The following TBC1D22B variants were observed in gnomAD, a reference collection of about 807,000 sequenced individuals.
TBC1D22B encodes the protein TBC1 domain family member 22B.
In TBC1D22B, 32 loss-of-function variants were observed where a neutral mutation model predicts 69.1. That is an observed-to-expected ratio of 0.46 (90% CI 0.35 to 0.62). The LOEUF is 0.62. TBC1D22B is among the 20% of genes least tolerant of loss of function. The pLI, the probability that TBC1D22B is intolerant of heterozygous loss-of-function variation, is 0.00. For synonymous variants in TBC1D22B, 206 were observed against 229.8 expected (o/e 0.90, Z 0.94); for missense variants, 462 against 630.9 (o/e 0.73, Z 2.87).
intron 3 of TBC1D22B, among the ~76,000 whole-genome samples, chr6:37,281,388 G>A (rs1252592213): frequency 6.6e-6 from 1 of 152,204 alleles, no homozygotes; most frequent in Non-Finnish European, 1.5e-5. Flanking sequence ...ACTATCTAGT[G>A]TAGAAATGTC....
chr6:37,301,528 G>A lies in TBC1D22B; in HGVS notation c.982+10171G>A, dbSNP rs541189961. 2.0e-4 allele frequency among the ~76,000 whole-genome samples: 31 copies of A among 152,192 alleles called. No individual in the cohort carries two copies. In the South Asian group the frequency reaches 5.6e-3, roughly 27 times the overall value. ...TTGTGTCTGGCTTCTTTTACTTAGCGTAATGTCTTCAAGATTCATTCATGT... is the reference window on the plus strand; with the variant it reads ...TTGTGTCTGGCTTCTTTTACTTAGCATAATGTCTTCAAGATTCATTCATGT... On this transcript the variant is annotated intron_variant, in intron 8 of 12. Coordinates refer to ENST00000373491, the MANE Select transcript of TBC1D22B (RefSeq NM_017772.4).
chr6:37,300,006 CAAAAA>C (rs764261176), intron 8 of TBC1D22B, among the ~76,000 whole-genome samples: 2 of 77,074 alleles, frequency 2.6e-5, no homozygotes, highest in African/African-American at 4.5e-5. Context: ...GAGACTCTGT[CAAAAA>C]AAAAAAAAAA....
intron 8 of TBC1D22B, among the ~76,000 whole-genome samples, chr6:37,308,619 T>C (rs746595182): frequency 2.6e-5 from 4 of 152,330 alleles, no homozygotes; most frequent in Non-Finnish European, 5.9e-5. Context: ...CCTAGATGGC[T>C]AACAGTTTGG....
In TBC1D22B at chr6:37,330,222, C is replaced by CTTTTTTT. The variant is rs67372032; in HGVS notation, c.1390-793_1390-787dup. 8.9e-3 allele frequency among the ~76,000 whole-genome samples: 675 copies of CTTTTTTT among 75,548 alleles called. 47 individuals are homozygous for CTTTTTTT. Among genetic ancestry groups the CTTTTTTT allele is most frequent in the Non-Finnish European group, 0.012 (519 of 41,562 alleles). 49.6% of individuals were successfully genotyped at this position (75,548 alleles called of 152,430 possible). ...GATGTTATAAATATTTTGTCCGTTT[C>CTTTTTTT]TTTTTTTTTTTTTTTTTTTTTTTTT... is the stretch of plus-strand genomic sequence containing the variant. On this transcript the variant is annotated intron_variant, in intron 12 of 12. Transcript: ENST00000373491.
At chr6:37,267,469 T>A (rs1217638762) in intron 1 of TBC1D22B, among the ~76,000 whole-genome samples, 4 of 90,900 alleles carry the variant, frequency 4.4e-5, no homozygotes, top group East Asian at 2.9e-4. Context: ...CACATATATA[T>A]AATATATATA....
At chr6:37,295,951 T>A (rs1767350156) in intron 8 of TBC1D22B, among the ~76,000 whole-genome samples, 2 of 152,228 alleles carry the variant, frequency 1.3e-5, no homozygotes, top group African/African-American at 4.8e-5. Flanking sequence ...ACTGTCTTGT[T>A]TAAGAAATTG....
intron 8 of TBC1D22B, among the ~76,000 whole-genome samples, chr6:37,303,101 G>T (rs1046298234): frequency 2.0e-5 from 3 of 152,202 alleles, no homozygotes; most frequent in Non-Finnish European, 4.4e-5. Context: ...TCTGGGGCTT[G>T]ATTCTCTTTT....
At position 37,327,377 on chromosome 6, in the gene TBC1D22B, C is replaced by T. The variant is rs368360645; in HGVS notation, c.1390-3667C>T. Among the ~76,000 whole-genome samples the T allele has an allele frequency of 4.2e-5, 5 of 119,234 alleles. 1 individual carries two copies. The highest frequency in any genetic ancestry group is 1.8e-4 in the African/African-American group (5 of 27,400). 78.2% of individuals were successfully genotyped at this position (119,234 alleles called of 152,430 possible). ...CCTGTAGTCCCAGCTGCTCGGGAGG[C>T]TGAGGCAGGAGAATGGCGTGAACCC... is the stretch of plus-strand genomic sequence containing the variant. On this transcript the variant is annotated intron_variant, in intron 12 of 12. Transcript: ENST00000373491.
intron 5 of TBC1D22B, 119 bp from the exon 6 acceptor site, chr6:37,284,217 A>T: frequency 6.6e-7 from 1 of 1,520,108 alleles, no homozygotes; most frequent in Admixed American, 1.7e-5. Context: ...CCAAAAAGGG[A>T]TTTACCCTTG....
chr6:37,269,678 A>G (rs936790416), intron 2 of TBC1D22B, 28 bp downstream of exon 2: 42 of 1,610,296 alleles, frequency 2.6e-5, no homozygotes, highest in African/African-American at 1.1e-4. Context: ...CGTTTTATCT[A>G]TCTACTGCTG....
chr6:37,285,148 A>G (rs1198526734), intron 6 of TBC1D22B, among the ~76,000 whole-genome samples: 2 of 150,974 alleles, frequency 1.3e-5, no homozygotes, highest in African/African-American at 2.5e-5. Context: ...AGCCTCAAGA[A>G]CTGAAGTAGC....
At chr6:37,315,024 C>T (rs1218445404) in intron 10 of TBC1D22B, among the ~76,000 whole-genome samples, 1 of 152,120 alleles carries the variant, frequency 6.6e-6, no homozygotes, top group Non-Finnish European at 1.5e-5. Flanking sequence ...TCTTGACATC[C>T]CTCAACCGGA....
At chr6:37,266,201 A>G (rs1766265086) in intron 1 of TBC1D22B, among the ~76,000 whole-genome samples, 1 of 152,206 alleles carries the variant, frequency 6.6e-6, no homozygotes, top group South Asian at 2.1e-4. Context: ...TAAATCAGAA[A>G]GGGTTTGCAG....
intron 12 of TBC1D22B, among the ~76,000 whole-genome samples, chr6:37,320,008 A>G (rs1243425320): frequency 6.6e-6 from 1 of 152,232 alleles, no homozygotes; most frequent in African/African-American, 2.4e-5. Flanking sequence ...TGTCCAGCCT[A>G]GGAGAGAAGT....
chr6:37,295,548 T>C lies in TBC1D22B; in HGVS notation c.982+4191T>C. The C allele has an allele frequency of 2.1e-5, 8 of 386,452 alleles. 1 individual carries two copies. The highest frequency in any genetic ancestry group is 1.8e-4 in the South Asian group (8 of 43,452). The allele number at this position is 386,452 out of a possible 1,614,324, so 23.9% of individuals were successfully genotyped here. A position where few individuals can be genotyped will look rare whatever the true frequency, so the allele number is the denominator to read the frequency against. The stretch of plus-strand genomic sequence containing the variant: ...ACTGAAGTAATAACTTCTGCTGGCA[T>C]GTCTTCTGAGTCTCCGTTTCCTCCA... On this transcript the variant is annotated intron_variant, in intron 8 of 12. Transcript: ENST00000373491.
chr6:37,303,760 G>A (rs571354093), intron 8 of TBC1D22B, among the ~76,000 whole-genome samples: 1 of 152,270 alleles, frequency 6.6e-6, no homozygotes, highest in South Asian at 2.1e-4. Context: ...TATCTCCTGA[G>A]CTAATCTTTG....
chr6:37,317,354 CTTAGTTGG>C (rs1768113215), intron 12 of TBC1D22B, 148 bp downstream of exon 12: 1 of 756,322 alleles, frequency 1.3e-6, no homozygotes, highest in Admixed American at 2.4e-5. Flanking sequence ...GGTCGTCCCT[CTTAGTTGG>C]CAGGAAGTCA....
intron 1 of TBC1D22B, among the ~76,000 whole-genome samples, chr6:37,258,658 C>G (rs1201249649): frequency 6.6e-6 from 1 of 152,220 alleles, no homozygotes; most frequent in Admixed American, 6.5e-5. Context: ...TTCGTTCATT[C>G]TTCAGTTGTT....
At chr6:37,326,341 G>T (rs1032778233) in intron 12 of TBC1D22B, among the ~76,000 whole-genome samples, 2 of 136,364 alleles carry the variant, frequency 1.5e-5, no homozygotes, top group South Asian at 2.3e-4. Flanking sequence ...GATTGCTGCT[G>T]CACTCCAGCC....
Sources: gnomAD v4.1 joint callset for allele counts (sites outside exome capture counted in the v4.1 genomes callset) on GRCh38, gnomAD v4.1.1 for gene constraint, MANE v1.5 for transcripts, NCBI Gene and HGNC (gene_info 2026-07-23, HGNC 2026-07-21) for gene names.